PIEZO2: variants seen among roughly 807,000 people sequenced by gnomAD.
The protein encoded by PIEZO2 is piezo-type mechanosensitive ion channel component 2.
Under a neutral mutation model 337.3 loss-of-function variants are expected in PIEZO2, and 172 were observed. The ratio of observed to expected loss-of-function variants is 0.51; its 90% confidence interval spans 0.45 to 0.58. PIEZO2 has a LOEUF of 0.58. Among genes scored for constraint, PIEZO2 ranks in the 20% least tolerant of loss-of-function variants. PIEZO2 has a pLI of 0.00. For synonymous variants in PIEZO2, 1,251 were observed against 1,228.5 expected, an observed-to-expected ratio of 1.02 and a Z score of -0.38; for missense variants, 3,028 against 3,391.3, an observed-to-expected ratio of 0.89 and a Z score of 2.66.
intron 3 of PIEZO2, among the ~76,000 whole-genome samples, chr18:10,957,591 C>G (rs2033597548): frequency 6.6e-6 from 1 of 152,048 alleles, no homozygotes; most frequent in Non-Finnish European, 1.5e-5. Context: ...GGAAAAAGCT[C>G]CACATTAGTC....
intron 44 of PIEZO2, among the ~76,000 whole-genome samples, chr18:10,698,419 C>T (rs2035193670): frequency 6.6e-6 from 1 of 152,116 alleles, no homozygotes; most frequent in African/African-American, 2.4e-5. Context: ...CCCACAGATA[C>T]AAAAGCCTAG....
At chr18:10,829,231 A>G (rs759789960) in intron 7 of PIEZO2, among the ~76,000 whole-genome samples, 29 of 152,048 alleles carry the variant, frequency 1.9e-4, no homozygotes, top group Non-Finnish European at 2.9e-4. Flanking sequence ...TTTTGGGATC[A>G]CCTGACGAAG....
chr18:10,963,106 G>A (rs993146028), intron 3 of PIEZO2, among the ~76,000 whole-genome samples: 2 of 152,068 alleles, frequency 1.3e-5, no homozygotes, highest in Non-Finnish European at 2.9e-5. Flanking sequence ...CCAGCATGAT[G>A]AAACCTTGTC....
rs61333934 is a variant in PIEZO2, at chr18:11,047,421, C to T, written c.160+18706G>A. ...CTCCTGCCTATCCCACAAGACGGCC[C>T]GGGGGAATTGTCCAAGAACAGGGCA... On this transcript the variant is annotated intron_variant, in intron 2 of 55. Transcript: ENST00000674853. This position sits in a 1 kb window ranked among gnomAD's most constrained non-coding sequence, Gnocchi z 7.2. Among the ~76,000 whole-genome samples, 55,753 of 151,846 alleles carry T rather than the reference C, an allele frequency of 0.37. 11,595 individuals are homozygous for T. The highest frequency in any genetic ancestry group is 0.48 in the Non-Finnish European group (32,580 of 67,902).
chr18:10,737,409 G>A (rs144082836), intron 33 of PIEZO2, among the ~76,000 whole-genome samples: 5 of 152,182 alleles, frequency 3.3e-5, no homozygotes, highest in African/African-American at 1.2e-4. Flanking sequence ...CAACAACAGC[G>A]CTCTGGCTGC....
At position 10,910,936 on chromosome 18, in the gene PIEZO2, T is replaced by A. The variant is rs554555840; in HGVS notation, c.329+250A>T. Reference sequence around the variant, plus strand: ...CTTACTTTGTGTACTGTTTTACAGTTCAAGATGCGTTTTCACATCAATTGC... The same window carrying A: ...CTTACTTTGTGTACTGTTTTACAGTACAAGATGCGTTTTCACATCAATTGC... On this transcript the variant is annotated intron_variant, in intron 4 of 55. Transcript: ENST00000674853. 6.6e-5 allele frequency among the ~76,000 whole-genome samples: 10 copies of A among 151,842 alleles called. No homozygotes were observed. In the South Asian group the frequency reaches 1.0e-3, roughly 16 times the overall value.
chr18:10,742,412 T>C, intron 32 of PIEZO2, 82 bp downstream of exon 32: 1 of 1,427,222 alleles, frequency 7.0e-7, no homozygotes, highest in Middle Eastern at 1.8e-4. Flanking sequence ...GAATAAGAAG[T>C]AATGTTATTT....
rs1366695304 is a variant in PIEZO2 at position 11,143,625 on chromosome 18, ACACACACACACACACTCTCTCTCT to A, written c.64+4876_64+4899del. Among the ~76,000 whole-genome samples the A allele has an allele frequency of 3.3e-3, 466 of 140,940 alleles. 3 individuals carry two copies. Among genetic ancestry groups the A allele is most frequent in the African/African-American group, 0.012 (422 of 35,806 alleles). 92.5% of individuals were successfully genotyped at this position (140,940 alleles called of 152,430 possible). A position where few individuals can be genotyped will look rare whatever the true frequency, so the allele number is the denominator to read the frequency against. Reference sequence around the variant, plus strand: ...AACACACACACACACACACACACACACACACACACACACACTCTCTCTCTCTCTCTCTCTCTCTCTCTCTCTCAC... The same window carrying A: ...AACACACACACACACACACACACACACTCTCTCTCTCTCTCTCTCTCTCAC... On this transcript the variant is annotated intron_variant, in intron 1 of 55. Transcript: ENST00000674853. This position sits in a 1 kb window ranked among gnomAD's most constrained non-coding sequence, Gnocchi z 4.9.
chr18:10,886,361 CAT>C (rs1302031673), intron 4 of PIEZO2, among the ~76,000 whole-genome samples: 2 of 9,712 alleles, frequency 2.1e-4, no homozygotes, highest in African/African-American at 1.6e-3. Context: ...CACACACACA[CAT>C]ATATATGTGT....
intron 12 of PIEZO2, among the ~76,000 whole-genome samples, chr18:10,796,797 T>C (rs893614059): frequency 3.9e-5 from 6 of 152,210 alleles, no homozygotes; most frequent in Non-Finnish European, 7.3e-5. Flanking sequence ...CCGCCACTCA[T>C]ACATACCATC....
chr18:11,022,133 T>C (rs1373962801), intron 2 of PIEZO2, among the ~76,000 whole-genome samples: 1 of 152,144 alleles, frequency 6.6e-6, no homozygotes, highest in Non-Finnish European at 1.5e-5. Flanking sequence ...AGTGGATAGA[T>C]GCTGCCAATG....
chr18:10,742,381 A>G (rs1398059398), intron 32 of PIEZO2, 113 bp downstream of exon 32: 1 of 1,223,850 alleles, frequency 8.2e-7, no homozygotes, highest in African/African-American at 1.5e-5. Context: ...GAATCAAAAA[A>G]GTGTATCGAT....
At chr18:11,082,468 C>A (rs1300688406) in intron 1 of PIEZO2, among the ~76,000 whole-genome samples, 1 of 152,028 alleles carries the variant, frequency 6.6e-6, no homozygotes, top group African/African-American at 2.4e-5. Context: ...CAGGCACCCG[C>A]CACCACGCCC....
chr18:10,946,954 A>G (rs1264886991), intron 3 of PIEZO2, among the ~76,000 whole-genome samples: 2 of 152,340 alleles, frequency 1.3e-5, no homozygotes, highest in East Asian at 3.9e-4. Flanking sequence ...ACATACGTCA[A>G]CCAGCAATTA....
At chr18:11,071,808 C>T (rs997488694) in intron 1 of PIEZO2, among the ~76,000 whole-genome samples, 3 of 152,150 alleles carry the variant, frequency 2.0e-5, no homozygotes, top group Non-Finnish European at 4.4e-5. Flanking sequence ...TCCAGGAGGC[C>T]GGATCATGCC....
At chr18:10,774,560 A>G (rs2865123) in intron 18 of PIEZO2, among the ~76,000 whole-genome samples, 124,627 of 152,092 alleles carry the variant, frequency 0.82, 51,368 homozygotes, top group East Asian at 0.93. Flanking sequence ...AGACTGTGTG[A>G]GATCCTGAAC....
intron 7 of PIEZO2, among the ~76,000 whole-genome samples, chr18:10,810,871 T>C (rs916166979): frequency 2.0e-5 from 3 of 152,118 alleles, no homozygotes; most frequent in African/African-American, 7.2e-5. Flanking sequence ...CCAACTGCAA[T>C]CCCATAATAT....
In PIEZO2 at chr18:10,773,052, CG is replaced by C. The variant is rs2038658810; in HGVS notation, c.2785+359del. 6.6e-6 allele frequency among the ~76,000 whole-genome samples: 1 copy of C among 152,150 alleles called. No homozygotes were observed. Among genetic ancestry groups the C allele is most frequent in the African/African-American group, 2.4e-5 (1 of 41,428 alleles). ...TTTCTTGAGAATGCATTTGTAAGGGCGATGTCTAGAGCCTTTGAGATTCTGC... is the reference window on the plus strand; with the variant it reads ...TTTCTTGAGAATGCATTTGTAAGGGCATGTCTAGAGCCTTTGAGATTCTGC... On this transcript the variant is annotated intron_variant, in intron 20 of 55. Transcript: ENST00000674853. This position sits in a 1 kb window ranked among gnomAD's most constrained non-coding sequence, Gnocchi z 5.3.
Position 10,919,103 on chromosome 18 carries a change from C to T in PIEZO2, c.287-7875G>A. ...TAAATCTTTTTTATCTTTTACAAAA[C>T]ATTTTATTTTAACTTACATTTTTAT... is the stretch of plus-strand genomic sequence containing the variant. On this transcript the variant is annotated intron_variant, in intron 3 of 55. Coordinates refer to ENST00000674853, the MANE Select transcript of PIEZO2 (RefSeq NM_001378183.1). Among the ~76,000 whole-genome samples the T allele has an allele frequency of 3.3e-5, 5 of 152,032 alleles. No individual in the cohort carries two copies. The Middle Eastern group carries it at 0.017, about 517-fold the overall frequency.
Sources: gnomAD v4.1 joint callset for allele counts (sites outside exome capture counted in the v4.1 genomes callset) on GRCh38, gnomAD v4.1.1 for gene constraint, Gnocchi (gnomAD v3.1) non-coding constraint, MANE v1.5 for transcripts, NCBI Gene and HGNC (gene_info 2026-07-23, HGNC 2026-07-21) for gene names.